The following COA1 variants were observed in gnomAD, a reference collection of about 807,000 sequenced individuals.
COA1 encodes the protein cytochrome c oxidase assembly factor 1 homolog.
A neutral mutation model predicts 16.0 loss-of-function variants in COA1; 13 were observed. The observed-to-expected ratio is 0.81, with a 90% confidence interval of 0.53 to 1.29. The LOEUF (loss-of-function observed/expected upper bound fraction) is 1.29. Ranked by LOEUF, COA1 falls within the 50% of genes most tolerant of loss-of-function variation. The pLI is 0.00. For missense variants in COA1, 179 were observed against 177.0 expected, an observed-to-expected ratio of 1.01 and a Z score of -0.06; for synonymous variants, 65 against 65.7, an observed-to-expected ratio of 0.99 and a Z score of 0.05.
At chr7:43,703,738 C>T (rs1005982990) in intron 1 of COA1, among the ~76,000 whole-genome samples, 3 of 152,184 alleles carry the variant, frequency 2.0e-5, no homozygotes, top group East Asian at 1.9e-4. Flanking sequence ...CTATGGATGT[C>T]ACTGCATGCA....
chr7:43,691,073 A>AAAAAC, intron 1 of COA1, among the ~76,000 whole-genome samples: 2 of 44,014 alleles, frequency 4.5e-5, no homozygotes, highest in Non-Finnish European at 7.7e-5. Flanking sequence ...AAAAAAAAAA[A>AAAAAC]AAAACAAAAA....
At chr7:43,656,622 G>A (rs960538746) in intron 1 of COA1, among the ~76,000 whole-genome samples, 1 of 152,190 alleles carries the variant, frequency 6.6e-6, no homozygotes, top group Admixed American at 6.5e-5. Flanking sequence ...TTGAACCCAA[G>A]AGGCAGAGGT....
chr7:43,660,587 T>C (rs1332734073), intron 1 of COA1, among the ~76,000 whole-genome samples: 3 of 152,188 alleles, frequency 2.0e-5, no homozygotes, highest in East Asian at 3.9e-4. Context: ...GCCACTCCTT[T>C]AAGAAGTGAC....
chr7:43,706,509 T>G (rs1355148278), intron 1 of COA1, among the ~76,000 whole-genome samples: 1 of 151,212 alleles, frequency 6.6e-6, no homozygotes, highest in Non-Finnish European at 1.5e-5. Flanking sequence ...ATCATGGCAC[T>G]GTACTCCAGC....
chr7:43,718,740 G>A lies in COA1; in HGVS notation c.-39+10689C>T, dbSNP rs138590520. On this transcript the variant is annotated intron_variant, in intron 1 of 5. Transcript: ENST00000223336. ...GATACTTGGCTTTGCTACTTCTTGA[G>A]CTTTATGAGGATTTAGAGGATAAAT... 1.4e-4 allele frequency among the ~76,000 whole-genome samples: 21 copies of A among 152,210 alleles called. No individual in the cohort carries two copies. In the East Asian group the frequency reaches 2.7e-3, roughly 20 times the overall value.
Position 43,704,582 on chromosome 7 carries a change from T to G in COA1, c.-39+24847A>C, listed in dbSNP as rs374148766. Among the ~76,000 whole-genome samples the G allele has an allele frequency of 1.2e-4, 18 of 152,354 alleles. No homozygotes were observed. In the South Asian group the frequency reaches 3.5e-3, roughly 30 times the overall value. On this transcript the variant is annotated intron_variant, in intron 1 of 5. Transcript: ENST00000223336. ...AGCAGTCTTCAAGTTCTGAGATTCC[T>G]TCCTCAGCTTGATCTATTCTGTTAT...
chr7:43,673,266 C>T (rs537628186), intron 1 of COA1, among the ~76,000 whole-genome samples: 23 of 152,238 alleles, frequency 1.5e-4, no homozygotes, highest in Middle Eastern at 3.4e-3. Flanking sequence ...CATCCAACAA[C>T]GGTCTAATAT....
chr7:43,693,506 A>AC, intron 1 of COA1, among the ~76,000 whole-genome samples: 1 of 151,994 alleles, frequency 6.6e-6, no homozygotes, highest in East Asian at 1.9e-4. Flanking sequence ...AATAGCTGAC[A>AC]CCCTCCACAA....
intron 6 of COA1, among the ~76,000 whole-genome samples, chr7:43,612,174 C>G (rs1355095427): frequency 6.6e-6 from 1 of 152,232 alleles, no homozygotes; most frequent in Non-Finnish European, 1.5e-5. Context: ...AAACTGGACT[C>G]TCCATGTTTC....
chr7:43,699,535 A>G (rs2131325530), intron 1 of COA1, among the ~76,000 whole-genome samples: 1 of 152,326 alleles, frequency 6.6e-6, no homozygotes, highest in African/African-American at 2.4e-5. Context: ...TTGAAAGATT[A>G]GATTTCCACT....
At chr7:43,709,217 G>A (rs375667627) in intron 1 of COA1, among the ~76,000 whole-genome samples, 7 of 151,820 alleles carry the variant, frequency 4.6e-5, no homozygotes, top group Non-Finnish European at 7.4e-5. Flanking sequence ...TAATAGAGAC[G>A]GGGTTTCACC....
chr7:43,724,398 T>C (rs975246644), intron 1 of COA1, among the ~76,000 whole-genome samples: 6 of 151,510 alleles, frequency 4.0e-5, no homozygotes, highest in African/African-American at 1.2e-4. Flanking sequence ...ACTAAAAATA[T>C]AAAAATTAGC....
chr7:43,642,286 T>C (rs1213923467), intron 4 of COA1: 1 of 152,182 alleles, frequency 6.6e-6, no homozygotes, highest in Non-Finnish European at 1.5e-5. Flanking sequence ...CCATCTCTAC[T>C]AGAAATACAA....
chr7:43,701,695 TTAACTCCCAC>T (rs1336559511), intron 1 of COA1, among the ~76,000 whole-genome samples: 1 of 152,214 alleles, frequency 6.6e-6, no homozygotes, highest in Non-Finnish European at 1.5e-5. Flanking sequence ...TTGAACAAAT[TTAACTCCCAC>T]CAGCAGTGTA....
At position 43,647,282 on chromosome 7, in the gene COA1, A is replaced by G. The variant is rs2089607810; in HGVS notation, c.115+253T>C. 5 of 536,918 alleles carry G rather than the reference A, an allele frequency of 9.3e-6. No homozygotes were observed. In the East Asian group the frequency reaches 1.5e-4, roughly 16 times the overall value. 33.3% of individuals were successfully genotyped at this position (536,918 alleles called of 1,614,324 possible). A position where few individuals can be genotyped will look rare whatever the true frequency, so the allele number is the denominator to read the frequency against. On this transcript the variant is annotated intron_variant, in intron 3 of 5. Coordinates refer to ENST00000223336, the MANE Select transcript of COA1 (RefSeq NM_018224.4). ...AGCCCCTGTGTGTGCACTGGACTGAAAGCCCATCGTGCTTTGCTGGGCTTC... is the reference window on the plus strand; with the variant it reads ...AGCCCCTGTGTGTGCACTGGACTGAGAGCCCATCGTGCTTTGCTGGGCTTC...
intron 1 of COA1, among the ~76,000 whole-genome samples, chr7:43,682,663 A>AT (rs1220586004): frequency 1.3e-5 from 2 of 152,014 alleles, no homozygotes; most frequent in East Asian, 1.9e-4. Context: ...TTTTAGGATG[A>AT]TTTTTTTTAA....
intron 1 of COA1, among the ~76,000 whole-genome samples, chr7:43,671,514 T>C (rs2093261217): frequency 1.3e-5 from 2 of 152,100 alleles, no homozygotes; most frequent in South Asian, 4.1e-4. Context: ...ATATATCTAA[T>C]GAAGGAGGTT....
chr7:43,657,346 A>C (rs10081253), intron 1 of COA1: 23,358 of 152,286 alleles, frequency 0.15, 2,316 homozygotes, highest in Non-Finnish European at 0.22. Context: ...TAGTGGAACT[A>C]TCTTCTCATA....
chr7:43,660,540 G>A (rs2092317110), intron 1 of COA1, among the ~76,000 whole-genome samples: 1 of 152,080 alleles, frequency 6.6e-6, no homozygotes, highest in Non-Finnish European at 1.5e-5. Flanking sequence ...TCCCTATTTT[G>A]TAAGTGAAGA....
Sources: allele counts gnomAD v4.1 joint callset (sites outside exome capture counted in the v4.1 genomes callset), GRCh38; gene constraint gnomAD v4.1.1; transcripts MANE v1.5; gene names NCBI Gene and HGNC (gene_info 2026-07-23, HGNC 2026-07-21).